SAG: variants seen among roughly 807,000 people sequenced by gnomAD.
SAG encodes S-antigen visual arrestin.
SAG carries 45 observed loss-of-function variants against 55.0 expected under a neutral mutation model. The ratio of observed to expected loss-of-function variants is 0.82; its 90% CI spans 0.64 to 1.05. The LOEUF is 1.05. Ranked by LOEUF, SAG falls within the 50% of genes least tolerant of loss-of-function variation. The probability of loss-of-function intolerance (pLI) is 0.00; values close to 1 mark genes in which losing one functional copy is unlikely to be tolerated. For missense variants in SAG, 455 were observed against 512.1 expected, an observed-to-expected ratio of 0.89 and a Z score of 1.08; for synonymous variants, 189 against 197.4, an observed-to-expected ratio of 0.96 and a Z score of 0.36.
chr2:233,321,298 C>T (rs1363072225), intron 5 of SAG, among the ~76,000 whole-genome samples: 3 of 152,164 alleles, frequency 2.0e-5, no homozygotes, highest in Admixed American at 6.5e-5. Flanking sequence ...TGGCTACCAA[C>T]GGTGCCAGCG....
Position 233,328,586 on chromosome 2 carries a change from G to A in SAG, c.621G>A (p.Leu207=). 3 of 1,613,318 alleles carry A rather than the reference G, an allele frequency of 1.9e-6. No individual in the cohort carries two copies. The highest frequency in any genetic ancestry group is 2.5e-6 in the Non-Finnish European group (3 of 1,179,474). The change falls in exon 8 of 16, where the codon CTG becomes CTA. Residue 207 remains leucine (L), a synonymous_variant. Transcript: ENST00000409110. The part of the protein sequence containing the change: ...AWQFFMSDKP[L]HLAVSLNKEI... Reference sequence around the variant, plus strand: ...AGTTCTTCATGTCTGACAAGCCCCTGCACCTTGCGGTCTCTCTCAACAAAG... The same window carrying A: ...AGTTCTTCATGTCTGACAAGCCCCTACACCTTGCGGTCTCTCTCAACAAAG...
rs528269357 is a variant in SAG at position 233,309,168 on chromosome 2, G to A, written c.-22G>A. 112 of 1,609,620 alleles carry A rather than the reference G, an allele frequency of 7.0e-5. No individual in the cohort carries two copies. The South Asian group carries it at 1.2e-3, about 18-fold the overall frequency. On this transcript the variant is annotated 5_prime_UTR_variant, in exon 2 of 16. Coordinates refer to ENST00000409110, the MANE Select transcript of SAG (RefSeq NM_000541.5). The stretch of plus-strand genomic sequence containing the variant: ...ACCTGACCAACACCCCAAGGTGGTA[G>A]AAGTTGCCAGGGACAGATAACATGG...
Position 233,328,595 on chromosome 2 carries a change from G to T in SAG, c.630G>T (p.Ala210=). 3.1e-6 allele frequency: 5 copies of T among 1,612,446 alleles called. No homozygotes were observed. Among genetic ancestry groups the T allele is most frequent in the Non-Finnish European group, 4.2e-6 (5 of 1,178,970 alleles). ...FFMSDKPLHL[A]VSLNKEIYFH... ...TGTCTGACAAGCCCCTGCACCTTGCGGTCTCTCTCAACAAAGAGGTAACCA... is the reference window on the plus strand; with the variant it reads ...TGTCTGACAAGCCCCTGCACCTTGCTGTCTCTCTCAACAAAGAGGTAACCA... Residue 210 remains alanine (A), a synonymous_variant, in exon 8 of 16, where the codon GCG becomes GCT. Coordinates refer to ENST00000409110, the MANE Select transcript of SAG (RefSeq NM_000541.5).
At chr2:233,343,720 A>T in intron 14 of SAG, 1 of 1,212,124 alleles carries the variant, frequency 8.2e-7, no homozygotes, top group Non-Finnish European at 1.0e-6. Flanking sequence ...GACGGGAAAG[A>T]AAAACAGATC....
chr2:233,327,259 C>A, intron 7 of SAG, 62 bp downstream of exon 7: 3 of 1,351,176 alleles, frequency 2.2e-6, no homozygotes, highest in Non-Finnish European at 3.2e-6. Flanking sequence ...AAGAGACGAC[C>A]TCCACCTTGT....
intron 12 of SAG, among the ~76,000 whole-genome samples, chr2:233,339,353 AGGCTCT>A (rs957808529): frequency 2.0e-5 from 3 of 152,246 alleles, no homozygotes; most frequent in African/African-American, 7.2e-5. Context: ...CCATTGCCAA[AGGCTCT>A]GGCCTTTTAC....
Position 233,335,035 on chromosome 2 carries a change from AG to A in SAG, c.882del (p.Arg295GlufsTer26). On this transcript the variant is annotated frameshift_variant, in exon 11 of 16. Transcript: ENST00000409110. LOFTEE classifies it high-confidence loss of function. ...LLPLLANNRE[R>X]RGIALDGKIK... ...GCCCTTGCTGGCTAACAATCGAGAA[AG>A]GAGAGGCATTGCCCTGGATGGGAAA... The A allele has an allele frequency of 6.2e-7, 1 of 1,614,040 alleles. No homozygotes were observed.
intron 7 of SAG, chr2:233,328,067 T>C (rs6728032): frequency 0.34 from 54,121 of 160,128 alleles, 12,088 homozygotes; most frequent in African/African-American, 0.65. Context: ...ACTGTCTCCT[T>C]GTGCCCCATG....
At chr2:233,336,420 C>G (rs1309349657) in intron 11 of SAG, among the ~76,000 whole-genome samples, 1 of 151,696 alleles carries the variant, frequency 6.6e-6, no homozygotes, top group African/African-American at 2.4e-5. Flanking sequence ...GAGGCTGAGA[C>G]AGGAGAATCG....
chr2:233,309,144 C>G lies in SAG; in HGVS notation c.-28-18C>G, dbSNP rs1345577560. ...CTTACCTTTCTCCAACCCTCTAACA[C>G]CTGACCAACACCCCAAGGTGGTAGA... On this transcript the variant is annotated intron_variant, in intron 1 of 15. Transcript: ENST00000409110. The G allele has an allele frequency of 3.3e-6, 5 of 1,516,598 alleles. No individual in the cohort carries two copies. Among genetic ancestry groups the G allele is most frequent in the African/African-American group, 2.7e-5 (2 of 72,944 alleles). The allele number at this position is 1,516,598 out of a possible 1,614,324, so 93.9% of individuals were successfully genotyped here. A position where few individuals can be genotyped will look rare whatever the true frequency, so the allele number is the denominator to read the frequency against.
chr2:233,338,654 C>T, intron 11 of SAG, 22 bp from the exon 12 acceptor site: 2 of 1,608,764 alleles, frequency 1.2e-6, no homozygotes, highest in Middle Eastern at 1.7e-4. Flanking sequence ...CATCATTCTC[C>T]TTTTCCCTTC....
intron 9 of SAG, among the ~76,000 whole-genome samples, chr2:233,330,464 T>C (rs1700713189): frequency 6.8e-6 from 1 of 148,136 alleles, no homozygotes; most frequent in Non-Finnish European, 1.5e-5. Flanking sequence ...ATTCTAGACT[T>C]TTCCCTCCCT....
chr2:233,331,432 G>A, intron 9 of SAG: 1 of 616,204 alleles, frequency 1.6e-6, no homozygotes, highest in Admixed American at 2.9e-5. Context: ...AGTTGATACA[G>A]AGCAGGTTAT....
intron 11 of SAG, 25 bp downstream of exon 11, chr2:233,335,124 A>G: frequency 6.3e-7 from 1 of 1,599,586 alleles, no homozygotes; most frequent in Non-Finnish European, 8.6e-7. Flanking sequence ...CTCAGGGAAT[A>G]AGCCCTGGCA....
rs1266850711 is a variant in SAG at position 233,342,321 on chromosome 2, A to G, written c.1097A>G (p.Asp366Gly). 1.2e-6 allele frequency: 2 copies of G among 1,605,982 alleles called. No homozygotes were observed. The highest frequency in any genetic ancestry group is 1.7e-6 in the Non-Finnish European group (2 of 1,175,428). Residue 366 changes from aspartate to glycine, a missense_variant, in exon 14 of 16, where the codon GAC (aspartate) becomes GGC (glycine). Physicochemically the swap from Asp to Gly is moderately conservative, Grantham distance 94. Coordinates refer to ENST00000409110, the MANE Select transcript of SAG (RefSeq NM_000541.5). Reference protein sequence around the residue: ...PFRLMHPQPEDPAKESYQDAN... With the variant: ...PFRLMHPQPEGPAKESYQDAN... ...CGCCTCATGCACCCTCAGCCTGAGG[A>G]CCCAGGTCAGTTATGTCCTTTTTTA...
At position 233,336,879 on chromosome 2, in the gene SAG, T is replaced by C. The variant is rs184460017; in HGVS notation, c.944+1780T>C. Among the ~76,000 whole-genome samples, 186 of 152,252 alleles carry C rather than the reference T, an allele frequency of 1.2e-3. 2 individuals are homozygous for C. The highest frequency in any genetic ancestry group is 4.2e-3 in the African/African-American group (173 of 41,550). On this transcript the variant is annotated intron_variant, in intron 11 of 15. Transcript: ENST00000409110. ...AGAAGGCCAGAGTGGGCGAATCGCTTGAGCCCAGGAGTTTGAGACCAGCCT... is the reference window on the plus strand; with the variant it reads ...AGAAGGCCAGAGTGGGCGAATCGCTCGAGCCCAGGAGTTTGAGACCAGCCT...
In SAG at chr2:233,320,770, C is replaced by G; in HGVS notation, c.322C>G (p.Gln108Glu). The change falls in exon 5 of 16, where the codon CAA (glutamine) becomes GAA (glutamate). Residue 108 changes from glutamine (Q) to glutamate (E), a missense_variant. Coordinates refer to ENST00000409110, the MANE Select transcript of SAG (RefSeq NM_000541.5). ...VGAASTPTKL[Q>E]ESLLKKLGSN... is the part of the protein sequence containing the mutation. ...GGCCGCGAGCACCCCCACAAAACTG[C>G]AAGAGAGCCTGCTTAAAAAGCTGGG... The G allele has an allele frequency of 6.2e-7, 1 of 1,606,690 alleles. No homozygotes were observed. The highest frequency in any genetic ancestry group is 1.1e-5 in the South Asian group (1 of 89,574).
At chr2:233,324,721 G>T (rs987523225) in intron 6 of SAG, among the ~76,000 whole-genome samples, 1 of 152,126 alleles carries the variant, frequency 6.6e-6, no homozygotes, top group African/African-American at 2.4e-5. Context: ...GGACCCGTGG[G>T]TTCAGGCCCT....
At chr2:233,322,453 C>T (rs1312705502) in intron 5 of SAG, among the ~76,000 whole-genome samples, 2 of 152,188 alleles carry the variant, frequency 1.3e-5, no homozygotes, top group African/African-American at 4.8e-5. Flanking sequence ...AAACAGACTA[C>T]AGAACGTGAT....
Sources: gnomAD v4.1 joint callset for allele counts (sites outside exome capture counted in the v4.1 genomes callset) on GRCh38, gnomAD v4.1.1 for gene constraint, MANE v1.5 for transcripts, NCBI Gene and HGNC (gene_info 2026-07-23, HGNC 2026-07-21) for gene names.